ASPRV1: variants seen among roughly 807,000 people sequenced by gnomAD.
ASPRV1 encodes retroviral-like aspartic protease 1.
A neutral mutation model predicts 11.0 loss-of-function variants in ASPRV1; 7 were observed. The observed-to-expected ratio is 0.64, with a 90% CI of 0.36 to 1.20. ASPRV1 has a LOEUF of 1.20. Ranked by LOEUF, ASPRV1 falls within the 50% of genes most tolerant of loss-of-function variation. The pLI, the probability that ASPRV1 is intolerant of heterozygous loss-of-function variation, is 0.02. For synonymous variants in ASPRV1, 136 were observed against 138.4 expected, an observed-to-expected ratio of 0.98 and a Z score of 0.12; for missense variants, 299 against 320.0, an observed-to-expected ratio of 0.93 and a Z score of 0.50.
the ASPRV1 span, among the ~76,000 whole-genome samples, chr2:69,983,905 G>T: frequency 1.3e-5 from 2 of 152,296 alleles, no homozygotes; most frequent in East Asian, 3.9e-4. Flanking sequence ...TGAACCTGGA[G>T]GTCACACAAG....
chr2:69,968,830 T>A, the ASPRV1 span, among the ~76,000 whole-genome samples: 1 of 152,120 alleles, frequency 6.6e-6, no homozygotes, highest in Admixed American at 6.5e-5. Flanking sequence ...GTGTCCCTGG[T>A]CTGTGTGGCG....
chr2:69,948,073 C>T, the ASPRV1 span, among the ~76,000 whole-genome samples: 55 of 144,110 alleles, frequency 3.8e-4, no homozygotes, highest in African/African-American at 1.4e-3. Flanking sequence ...CAGAGGGAGA[C>T]CCCGTCTCTC....
At chr2:70,048,140 G>A in the ASPRV1 span, among the ~76,000 whole-genome samples, 1 of 144,496 alleles carries the variant, frequency 6.9e-6, no homozygotes, top group South Asian at 2.2e-4. Flanking sequence ...AAGAGGCAAG[G>A]CATGGTGGCT....
the ASPRV1 span, chr2:70,046,722 G>C: frequency 6.6e-6 from 1 of 152,126 alleles, no homozygotes; most frequent in East Asian, 1.9e-4. Context: ...GGTATAAAGG[G>C]GAACTGAAGG....
the ASPRV1 span, among the ~76,000 whole-genome samples, chr2:70,005,555 C>A: frequency 5.3e-5 from 8 of 152,142 alleles, no homozygotes; most frequent in Non-Finnish European, 8.8e-5. Flanking sequence ...TTCTTGTCAG[C>A]TTATTTTTTG....
chr2:70,079,490 A>T, the ASPRV1 span, among the ~76,000 whole-genome samples: 1 of 152,120 alleles, frequency 6.6e-6, no homozygotes, highest in Non-Finnish European at 1.5e-5. Flanking sequence ...TAAAGTCCTG[A>T]AAGAGAGCAC....
chr2:69,992,238 C>T, the ASPRV1 span, among the ~76,000 whole-genome samples: 1 of 152,142 alleles, frequency 6.6e-6, no homozygotes, highest in African/African-American at 2.4e-5. Context: ...GTTCTCTCTA[C>T]TCGGCGTCTT....
the ASPRV1 span, among the ~76,000 whole-genome samples, chr2:70,025,820 C>G: frequency 6.6e-6 from 1 of 152,158 alleles, no homozygotes; most frequent in Non-Finnish European, 1.5e-5. Flanking sequence ...ATACCAAAGG[C>G]CAGGACACTT....
the ASPRV1 span, among the ~76,000 whole-genome samples, chr2:70,052,455 G>A: frequency 6.6e-6 from 1 of 152,130 alleles, no homozygotes; most frequent in Admixed American, 6.5e-5. Context: ...CCAACTGGGA[G>A]AGTAGACCAA....
the ASPRV1 span, among the ~76,000 whole-genome samples, chr2:70,085,189 G>A: frequency 6.6e-6 from 1 of 152,302 alleles, no homozygotes; most frequent in South Asian, 2.1e-4. Context: ...CCCATGGGGA[G>A]CTGACGGAAG....
chr2:70,004,289 T>A, the ASPRV1 span, among the ~76,000 whole-genome samples: 1 of 152,088 alleles, frequency 6.6e-6, no homozygotes. Context: ...CCCAGCACTT[T>A]GGGAGGCCGA....
At chr2:69,964,318 A>G (rs916849443), upstream of ASPRV1, 8 of 455,302 alleles carry the variant, frequency 1.8e-5, no homozygotes, top group African/African-American at 8.0e-5. Context: ...CTGTCCATAC[A>G]GTTCCCTCTG....
At chr2:69,948,783 C>G in the ASPRV1 span, among the ~76,000 whole-genome samples, 1 of 152,160 alleles carries the variant, frequency 6.6e-6, no homozygotes, top group African/African-American at 2.4e-5. Context: ...GCCCACGCCC[C>G]CCGCCTCCCC....
chr2:70,026,379 AAAAAAAAG>A, the ASPRV1 span, among the ~76,000 whole-genome samples: 40 of 152,224 alleles, frequency 2.6e-4, no homozygotes, highest in African/African-American at 9.6e-4. Context: ...AATCAGAAAA[AAAAAAAAG>A]AAATAAAGGG....
the ASPRV1 span, among the ~76,000 whole-genome samples, chr2:70,051,501 C>T: frequency 2.6e-5 from 4 of 152,286 alleles, no homozygotes; most frequent in East Asian, 7.7e-4. Context: ...AGTGCACAAG[C>T]ATGCAAAGAT....
At chr2:69,964,282 G>T (rs1286700742), upstream of ASPRV1, 1 of 439,758 alleles carries the variant, frequency 2.3e-6, no homozygotes, top group Admixed American at 2.6e-5. Context: ...GCTGTGGCTT[G>T]AGGCAGATGG....
At chr2:70,044,203 A>G in the ASPRV1 span, among the ~76,000 whole-genome samples, 110 of 152,202 alleles carry the variant, frequency 7.2e-4, no homozygotes, top group Non-Finnish European at 1.5e-3. Flanking sequence ...AGGGTCTCAA[A>G]GATTTAAATC....
the ASPRV1 span, among the ~76,000 whole-genome samples, chr2:70,003,619 T>C: frequency 5.3e-5 from 8 of 152,280 alleles, no homozygotes; most frequent in African/African-American, 1.9e-4. Flanking sequence ...GAACATTCCT[T>C]TGGAAGCTCT....
the ASPRV1 span, among the ~76,000 whole-genome samples, chr2:70,040,134 T>C: frequency 6.6e-6 from 1 of 152,172 alleles, no homozygotes; most frequent in Non-Finnish European, 1.5e-5. Context: ...TGGAGGATGA[T>C]GGTATTAAAG....
Sources: gnomAD v4.1 joint callset for allele counts (sites outside exome capture counted in the v4.1 genomes callset) on GRCh38, gnomAD v4.1.1 for gene constraint, MANE v1.5 for transcripts, NCBI Gene and HGNC (gene_info 2026-07-23, HGNC 2026-07-21) for gene names.